The following SLC16A10 variants were observed in gnomAD, a reference collection of about 807,000 sequenced individuals.
The protein encoded by SLC16A10 is monocarboxylate transporter 10.
SLC16A10 carries 27 observed loss-of-function variants against 40.0 expected under a neutral mutation model. The ratio of observed to expected loss-of-function variants is 0.67; its 90% CI spans 0.50 to 0.93. The LOEUF is 0.93. Among genes scored for constraint, SLC16A10 ranks in the 40% least tolerant of loss-of-function variants. The pLI, the probability that SLC16A10 is intolerant of heterozygous loss-of-function variation, is 0.00. For missense variants in SLC16A10, 529 were observed against 658.2 expected (o/e 0.80, Z 2.15); for synonymous variants, 213 against 249.8 (o/e 0.85, Z 1.39).
intron 2 of SLC16A10, among the ~76,000 whole-genome samples, chr6:111,176,780 TTTC>T (rs2114547222): frequency 6.6e-6 from 1 of 152,368 alleles, no homozygotes; most frequent in Non-Finnish European, 1.5e-5. Flanking sequence ...AATAATTAGA[TTTC>T]ATAGTTAATT....
At chr6:111,194,142 T>A (rs1773040777) in intron 3 of SLC16A10, among the ~76,000 whole-genome samples, 1 of 152,214 alleles carries the variant, frequency 6.6e-6, no homozygotes, top group Non-Finnish European at 1.5e-5. Flanking sequence ...GCTAGCTGAG[T>A]TTATAGGCTG....
rs1466286983 is a variant in SLC16A10 at position 111,226,088 on chromosome 6, T to C, written c.*3853T>C. On this transcript the variant is annotated 3_prime_UTR_variant, in exon 6 of 6. Coordinates refer to ENST00000368851, the MANE Select transcript of SLC16A10 (RefSeq NM_018593.5). Reference sequence around the variant, plus strand: ...AATTTAAATTACATGACTGAAATATTTAAGGGAAGAAATAAATTTCATACA... The same window carrying C: ...AATTTAAATTACATGACTGAAATATCTAAGGGAAGAAATAAATTTCATACA... 1 of 152,198 alleles carries C rather than the reference T, an allele frequency of 6.6e-6. No individual in the cohort carries two copies. Among genetic ancestry groups the C allele is most frequent in the Non-Finnish European group, 1.5e-5 (1 of 68,032 alleles). The allele number at this position is 152,198 out of a possible 1,614,324, so 9.4% of individuals were successfully genotyped here. A position where few individuals can be genotyped will look rare whatever the true frequency, so the allele number is the denominator to read the frequency against.
chr6:111,161,239 A>AG (rs1772365360), intron 1 of SLC16A10, among the ~76,000 whole-genome samples: 1 of 150,884 alleles, frequency 6.6e-6, no homozygotes, highest in African/African-American at 2.4e-5. Context: ...AAAAAAAAAA[A>AG]AAAAAAAGAA....
chr6:111,105,653 A>G (rs1279268900), intron 1 of SLC16A10, among the ~76,000 whole-genome samples: 3 of 152,040 alleles, frequency 2.0e-5, no homozygotes, highest in Non-Finnish European at 1.5e-5. Flanking sequence ...GTGAGACTCA[A>G]GAGAGTGTCA....
intron 1 of SLC16A10, among the ~76,000 whole-genome samples, chr6:111,164,560 G>A (rs1324279296): frequency 1.3e-5 from 2 of 151,936 alleles, no homozygotes; most frequent in Non-Finnish European, 2.9e-5. Context: ...AGGAGTTCAA[G>A]ACCAGCCTGG....
At chr6:111,091,502 G>A (rs1272920236) in intron 1 of SLC16A10, among the ~76,000 whole-genome samples, 1 of 152,218 alleles carries the variant, frequency 6.6e-6, no homozygotes, top group African/African-American at 2.4e-5. Context: ...ACTTTGTGGT[G>A]AATAAACAAT....
At chr6:111,128,493 T>G (rs1771717075) in intron 1 of SLC16A10, among the ~76,000 whole-genome samples, 1 of 152,220 alleles carries the variant, frequency 6.6e-6, no homozygotes. Context: ...GCTCTTCTGT[T>G]GGAGAAGAAA....
At chr6:111,106,770 A>G (rs1353597288) in intron 1 of SLC16A10, among the ~76,000 whole-genome samples, 2 of 152,212 alleles carry the variant, frequency 1.3e-5, no homozygotes, top group Non-Finnish European at 2.9e-5. Flanking sequence ...GCATTGCAGC[A>G]TGATCATTCT....
In SLC16A10 at chr6:111,157,905, T is replaced by TA. The variant is rs1157172457; in HGVS notation, c.344-14776dup. On this transcript the variant is annotated intron_variant, in intron 1 of 5. Transcript: ENST00000368851. The stretch of plus-strand genomic sequence containing the variant: ...TCCTTCTTACAATGCTATATCCGAC[T>TA]AAAAAAAAAAAAAAGAAAAAAAGAA... Among the ~76,000 whole-genome samples the TA allele has an allele frequency of 4.3e-3, 510 of 117,524 alleles. 2 individuals carry two copies. The highest frequency in any genetic ancestry group is 0.012 in the African/African-American group (393 of 31,570). 77.1% of individuals were successfully genotyped at this position (117,524 alleles called of 152,430 possible). A position where few individuals can be genotyped will look rare whatever the true frequency, so the allele number is the denominator to read the frequency against.
At chr6:111,217,469 A>G (rs1770776713) in intron 4 of SLC16A10, among the ~76,000 whole-genome samples, 1 of 151,976 alleles carries the variant, frequency 6.6e-6, no homozygotes, top group Admixed American at 6.6e-5. Context: ...TTGTTGTTTG[A>G]GACGGAGTCT....
intron 3 of SLC16A10, among the ~76,000 whole-genome samples, chr6:111,190,160 A>G (rs1562427496): frequency 6.6e-6 from 1 of 152,230 alleles, no homozygotes; most frequent in Non-Finnish European, 1.5e-5. Flanking sequence ...AAGGGGCTAC[A>G]GGCCCCATGC....
At chr6:111,182,022 G>T (rs769172349) in intron 3 of SLC16A10, among the ~76,000 whole-genome samples, 3 of 151,068 alleles carry the variant, frequency 2.0e-5, no homozygotes. Context: ...TTTTTGAGAC[G>T]GAGTCTTGCT....
At chr6:111,204,396 G>A (rs1368032407) in intron 3 of SLC16A10, among the ~76,000 whole-genome samples, 1 of 152,144 alleles carries the variant, frequency 6.6e-6, no homozygotes, top group Admixed American at 6.6e-5. Context: ...ACTTTGAGGT[G>A]CCTTTGAAAC....
At chr6:111,142,601 G>A (rs1456507671) in intron 1 of SLC16A10, among the ~76,000 whole-genome samples, 1 of 152,108 alleles carries the variant, frequency 6.6e-6, no homozygotes, top group Non-Finnish European at 1.5e-5. Context: ...TATATAGATG[G>A]CAAATAAGCA....
intron 5 of SLC16A10, among the ~76,000 whole-genome samples, chr6:111,221,758 A>C (rs908975412): frequency 1.3e-5 from 2 of 151,908 alleles, no homozygotes; most frequent in Non-Finnish European, 2.9e-5. Context: ...AAAAAAAAAA[A>C]CGTCTACCTT....
chr6:111,118,622 A>G (rs930556526), intron 1 of SLC16A10, among the ~76,000 whole-genome samples: 1 of 147,736 alleles, frequency 6.8e-6, no homozygotes, highest in African/African-American at 2.5e-5. Flanking sequence ...TGGAGGTTGC[A>G]GTGAGCCAAG....
intron 1 of SLC16A10, among the ~76,000 whole-genome samples, chr6:111,136,047 C>A (rs1434458088): frequency 6.6e-6 from 1 of 152,190 alleles, no homozygotes; most frequent in Non-Finnish European, 1.5e-5. Context: ...ACAGGCATAA[C>A]AGGTTTCTGC....
intron 4 of SLC16A10, among the ~76,000 whole-genome samples, chr6:111,215,493 A>G (rs1483289681): frequency 6.6e-6 from 1 of 151,996 alleles, no homozygotes; most frequent in Non-Finnish European, 1.5e-5. Flanking sequence ...AAAAAAATAT[A>G]TATTCCTGAA....
intron 1 of SLC16A10, among the ~76,000 whole-genome samples, chr6:111,105,676 A>T (rs1342793550): frequency 6.6e-6 from 1 of 152,212 alleles, no homozygotes; most frequent in Admixed American, 6.5e-5. Context: ...GTACTTTTCA[A>T]TGCATAAAGC....
Sources: allele counts gnomAD v4.1 joint callset (sites outside exome capture counted in the v4.1 genomes callset), GRCh38; gene constraint gnomAD v4.1.1; transcripts MANE v1.5; gene names NCBI Gene and HGNC (gene_info 2026-07-23, HGNC 2026-07-21).